The following CPLANE1 variants were observed in gnomAD, a reference collection of about 807,000 sequenced individuals.
The protein encoded by CPLANE1 is ciliogenesis and planar polarity effector 1.
A neutral mutation model predicts 362.5 loss-of-function variants in CPLANE1; 263 were observed. That is an observed-to-expected ratio of 0.73 (90% confidence interval 0.66 to 0.80). The LOEUF is 0.80. Ranked by LOEUF, CPLANE1 falls within the 30% of genes least tolerant of loss-of-function variation. The pLI, the probability that CPLANE1 is intolerant of heterozygous loss-of-function variation, is 0.00. For synonymous variants in CPLANE1, 1,212 were observed against 1,302.6 expected, an observed-to-expected ratio of 0.93 and a Z score of 1.50; for missense variants, 3,461 against 3,793.4, an observed-to-expected ratio of 0.91 and a Z score of 2.30.
the CPLANE1 span, among the ~76,000 whole-genome samples, chr5:37,075,867 C>G: frequency 2.6e-5 from 4 of 152,108 alleles, no homozygotes; most frequent in African/African-American, 7.2e-5. Flanking sequence ...AATTGCTTAC[C>G]CCTCACTTGT....
At chr5:37,149,537 T>C (rs1377777391) in intron 42 of CPLANE1, among the ~76,000 whole-genome samples, 1 of 152,190 alleles carries the variant, frequency 6.6e-6, no homozygotes, top group Non-Finnish European at 1.5e-5. Context: ...GCAGAACCCA[T>C]GGATATAGAG....
chr5:37,082,804 C>T, the CPLANE1 span, among the ~76,000 whole-genome samples: 1 of 150,066 alleles, frequency 6.7e-6, no homozygotes, highest in East Asian at 1.9e-4. Flanking sequence ...AGTAGCTATA[C>T]TTAGATGAAA....
At chr5:37,098,923 C>CAAAAAAAAAA in the CPLANE1 span, among the ~76,000 whole-genome samples, 1 of 52,080 alleles carries the variant, frequency 1.9e-5, no homozygotes, top group African/African-American at 7.1e-5. Flanking sequence ...ATGCCTACAT[C>CAAAAAAAAAA]AAAAAAAAAA....
At chr5:37,220,448 T>C (rs1386705749) in intron 15 of CPLANE1, among the ~76,000 whole-genome samples, 2 of 152,186 alleles carry the variant, frequency 1.3e-5, no homozygotes, top group Admixed American at 1.3e-4. Flanking sequence ...ATATATATCT[T>C]TCCCTCTGGT....
At chr5:37,157,896 G>A (rs1775593473) in intron 39 of CPLANE1, 28 bp from the exon 40 acceptor site, 1 of 1,194,632 alleles carries the variant, frequency 8.4e-7, no homozygotes, top group Non-Finnish European at 1.2e-6. Flanking sequence ...AAACCAAAGA[G>A]GGTTACATTC....
In CPLANE1 at chr5:37,142,315, G is replaced by C. The variant is rs763705214; in HGVS notation, c.8627C>G (p.Ser2876Cys). 14 of 1,566,586 alleles carry C rather than the reference G, an allele frequency of 8.9e-6. No individual in the cohort carries two copies. The Admixed American group carries it at 2.8e-4, about 32-fold the overall frequency. Residue 2876 changes from serine (S) to cysteine (C), a missense_variant, in exon 44 of 53, where the codon TCT becomes TGT. Coordinates refer to ENST00000651892, the MANE Select transcript of CPLANE1 (RefSeq NM_001384732.1). ...LSSSSDQNTT[S>C]PGMNSSDELC... ...GAAAAAGTAAAGAACAATACCAGGA[G>C]AAGTAGTATTCTGATCACTGGAACT...
At chr5:37,196,496 A>C (rs944749196) in intron 20 of CPLANE1, among the ~76,000 whole-genome samples, 1 of 152,202 alleles carries the variant, frequency 6.6e-6, no homozygotes, top group Non-Finnish European at 1.5e-5. Flanking sequence ...TAAAAAGCTG[A>C]GGGGTTGACG....
chr5:37,186,417 GT>G, intron 23 of CPLANE1, 23 bp from the exon 24 acceptor site: 1 of 1,049,694 alleles, frequency 9.5e-7, no homozygotes, highest in Non-Finnish European at 1.5e-6. Context: ...AATTGTTTAA[GT>G]TTTATGAGAA....
Position 37,169,301 on chromosome 5 carries a change from T to C in CPLANE1, c.6723A>G (p.Leu2241=). ...KSKQEFQPLF[L]HTGSIPQVPF... ...GAACTTGTGGAATACTTCCTGTATG[T>C]AAGAAAAGGGGCTGGAATTCTTGTT... The change falls in exon 34 of 53, where the codon TTA becomes TTG. Residue 2241 remains leucine (L), a synonymous_variant. Coordinates refer to ENST00000651892, the MANE Select transcript of CPLANE1 (RefSeq NM_001384732.1). The C allele has an allele frequency of 6.2e-7, 1 of 1,614,200 alleles. No homozygotes were observed. Among genetic ancestry groups the C allele is most frequent in the Non-Finnish European group, 8.5e-7 (1 of 1,180,040 alleles).
chr5:37,173,415 T>C (rs546968382), intron 32 of CPLANE1, among the ~76,000 whole-genome samples: 59 of 152,274 alleles, frequency 3.9e-4, no homozygotes, highest in African/African-American at 1.4e-3. Context: ...GAGAAGTAGG[T>C]AGCTTAGCCT....
At chr5:37,206,965 G>A (rs1289659640) in intron 16 of CPLANE1, among the ~76,000 whole-genome samples, 2 of 151,856 alleles carry the variant, frequency 1.3e-5, no homozygotes, top group Admixed American at 1.3e-4. Context: ...ACTAAGTTGA[G>A]GTAACAATGA....
Position 37,177,645 on chromosome 5 carries a change from T to C in CPLANE1, c.5876A>G (p.Glu1959Gly), listed in dbSNP as rs1230715850. Residue 1959 changes from glutamate to glycine, a missense_variant, in exon 30 of 53, where the codon GAG becomes GGG. Coordinates refer to ENST00000651892, the MANE Select transcript of CPLANE1 (RefSeq NM_001384732.1). ...CCCTTTTTGTTCAGTCGATTTTTCC[T>C]CCATAATTGTCTCCAGTGGTTCTTC... The part of the protein sequence containing the change: ...QREEPLETIM[E>G]EKSTEQKGMI... 20 of 1,613,878 alleles carry C rather than the reference T, an allele frequency of 1.2e-5. No homozygotes were observed. The highest frequency in any genetic ancestry group is 1.7e-5 in the Non-Finnish European group (20 of 1,179,804).
At chr5:37,199,096 CAAAAAAAAAA>C (rs35945783) in intron 19 of CPLANE1, among the ~76,000 whole-genome samples, 2 of 47,172 alleles carry the variant, frequency 4.2e-5, no homozygotes, top group African/African-American at 7.6e-5. Context: ...CACCCTGTCT[CAAAAAAAAAA>C]AAAAAAAAAA....
At chr5:37,234,891 G>A (rs531217231) in intron 8 of CPLANE1, among the ~76,000 whole-genome samples, 58 of 152,232 alleles carry the variant, frequency 3.8e-4, no homozygotes, top group African/African-American at 9.1e-4. Flanking sequence ...CTTAATAGAC[G>A]TTGTTCTGTG....
intron 19 of CPLANE1, 131 bp downstream of exon 19, chr5:37,201,460 C>T: frequency 1.5e-6 from 1 of 688,498 alleles, no homozygotes; most frequent in Non-Finnish European, 2.4e-6. Flanking sequence ...TAGTGAACAG[C>T]AAAGCTGGGA....
At chr5:37,181,722 G>A (rs2151125239) in intron 26 of CPLANE1, among the ~76,000 whole-genome samples, 1 of 152,234 alleles carries the variant, frequency 6.6e-6, no homozygotes, top group South Asian at 2.1e-4. Flanking sequence ...GATTCAAGTG[G>A]AAGGATCACT....
At position 37,114,985 on chromosome 5, in the gene CPLANE1, C is replaced by A; in HGVS notation, c.9375G>T (p.Thr3125=). ...GGAKAAVRKA[T]QSPVTFQKGS... The stretch of plus-strand genomic sequence containing the variant: ...CTTTTTGGAAGGTAACTGGAGACTG[C>A]GTAGCCTTTCTTACTGCTGCTTTGG... The change falls in exon 51 of 53, where the codon ACG becomes ACT. Residue 3125 remains threonine, a synonymous_variant. Coordinates refer to ENST00000651892, the MANE Select transcript of CPLANE1 (RefSeq NM_001384732.1). 1 of 1,610,312 alleles carries A rather than the reference C, an allele frequency of 6.2e-7. No individual in the cohort carries two copies. Among genetic ancestry groups the A allele is most frequent in the East Asian group, 2.2e-5 (1 of 44,874 alleles).
intron 48 of CPLANE1, 139 bp downstream of exon 48, chr5:37,122,291 C>T: frequency 4.3e-6 from 3 of 698,148 alleles, no homozygotes; most frequent in Non-Finnish European, 7.5e-6. Context: ...CATCATTTTC[C>T]TTGCAGTGAT....
intron 21 of CPLANE1, among the ~76,000 whole-genome samples, chr5:37,193,709 A>T (rs768590928): frequency 6.6e-6 from 1 of 152,070 alleles, no homozygotes; most frequent in Non-Finnish European, 1.5e-5. Context: ...TTAGGTAACA[A>T]ACTAGGGAAA....
Sources: allele counts gnomAD v4.1 joint callset (sites outside exome capture counted in the v4.1 genomes callset), GRCh38; gene constraint gnomAD v4.1.1; transcripts MANE v1.5; gene names NCBI Gene and HGNC (gene_info 2026-07-23, HGNC 2026-07-21).